The following ZNF536 variants were observed in gnomAD, a reference collection of about 807,000 sequenced individuals.
The protein encoded by ZNF536 is zinc finger protein 536.
Under a neutral mutation model 84.5 loss-of-function variants are expected in ZNF536, and 13 were observed. That is an observed-to-expected ratio of 0.15 (90% CI 0.10 to 0.24). The LOEUF is 0.24. Among genes scored for constraint, ZNF536 ranks in the 10% least tolerant of loss-of-function variants. The pLI, the probability that ZNF536 is intolerant of heterozygous loss-of-function variation, is 1.00. For synonymous variants in ZNF536, 811 were observed against 742.5 expected, an observed-to-expected ratio of 1.09 and a Z score of -1.50; for missense variants, 1,536 against 1,747.5, an observed-to-expected ratio of 0.88 and a Z score of 2.16.
chr19:30,341,289 A>G (rs763422360), intron 2 of ZNF536, among the ~76,000 whole-genome samples: 5 of 152,254 alleles, frequency 3.3e-5, no homozygotes, highest in Non-Finnish European at 7.3e-5. Context: ...GTTTGTTGAG[A>G]TTGCAGTGAT....
intron 1 of ZNF536, among the ~76,000 whole-genome samples, chr19:30,669,906 C>T (rs1053334298): frequency 6.6e-6 from 1 of 152,170 alleles, no homozygotes; most frequent in Non-Finnish European, 1.5e-5. Context: ...GTTCTATGAA[C>T]TAGGGCGGAC....
At chr19:30,512,340 T>A (rs927486691) in intron 2 of ZNF536, among the ~76,000 whole-genome samples, 1 of 152,196 alleles carries the variant, frequency 6.6e-6, no homozygotes, top group Non-Finnish European at 1.5e-5. Flanking sequence ...CCCAAATGTA[T>A]TGCTGAATGC....
At chr19:30,278,663 C>T (rs1206419255) in intron 1 of ZNF536, among the ~76,000 whole-genome samples, 1 of 152,056 alleles carries the variant, frequency 6.6e-6, no homozygotes, top group Non-Finnish European at 1.5e-5. Context: ...TCTGGGCTCT[C>T]CTTACTCTTG....
At chr19:30,424,879 C>G (rs1048100883) in intron 1 of ZNF536, among the ~76,000 whole-genome samples, 4 of 152,108 alleles carry the variant, frequency 2.6e-5, no homozygotes, top group African/African-American at 9.7e-5. Context: ...CTGTCCAGGG[C>G]ACACAGGAGA....
intron 1 of ZNF536, among the ~76,000 whole-genome samples, chr19:30,578,016 T>C (rs936438853): frequency 2.6e-5 from 4 of 152,178 alleles, no homozygotes; most frequent in African/African-American, 7.2e-5. Flanking sequence ...GGTACAGGGA[T>C]GGGAGAGCCT....
At chr19:30,589,825 G>T (rs538674826) in intron 1 of ZNF536, among the ~76,000 whole-genome samples, 1 of 152,272 alleles carries the variant, frequency 6.6e-6, no homozygotes, top group South Asian at 2.1e-4. Context: ...AGCCTGCCCT[G>T]TGTGCAGCCT....
At chr19:30,261,105 T>C (rs1252221673) in intron 1 of ZNF536, among the ~76,000 whole-genome samples, 1 of 151,710 alleles carries the variant, frequency 6.6e-6, no homozygotes. Context: ...GAGACCATCC[T>C]GGCTAAAATG....
At chr19:30,417,212 G>A (rs2050772925) in intron 1 of ZNF536, among the ~76,000 whole-genome samples, 1 of 140,376 alleles carries the variant, frequency 7.1e-6, no homozygotes, top group Non-Finnish European at 1.5e-5. Context: ...GGCCAGGCTG[G>A]TCTTGAACTC....
At chr19:30,588,089 G>T (rs2047157473) in intron 1 of ZNF536, among the ~76,000 whole-genome samples, 2 of 152,238 alleles carry the variant, frequency 1.3e-5, no homozygotes, top group African/African-American at 4.8e-5. Flanking sequence ...GCTTCCCAGT[G>T]AGCTCCCTCA....
chr19:30,378,636 A>C (rs1030823386), intron 1 of ZNF536, among the ~76,000 whole-genome samples: 1 of 152,100 alleles, frequency 6.6e-6, no homozygotes, highest in East Asian at 1.9e-4. Flanking sequence ...CTTAGACCCA[A>C]CTGCATCTCC....
chr19:30,574,208 G>A (rs922298845), intron 1 of ZNF536, among the ~76,000 whole-genome samples: 15 of 152,324 alleles, frequency 9.8e-5, no homozygotes, highest in African/African-American at 3.4e-4. Flanking sequence ...GAGAAGACAT[G>A]TAGAAAGGCT....
At chr19:30,483,514 A>G in intron 2 of ZNF536, among the ~76,000 whole-genome samples, 1 of 142,554 alleles carries the variant, frequency 7.0e-6, no homozygotes, top group Non-Finnish European at 1.5e-5. Context: ...AACAACCAGA[A>G]CACCCAGGGC....
intron 1 of ZNF536, among the ~76,000 whole-genome samples, chr19:30,574,481 G>A (rs775508903): frequency 2.0e-5 from 3 of 152,224 alleles, no homozygotes; most frequent in Non-Finnish European, 4.4e-5. Flanking sequence ...TGATGCTAAC[G>A]GTTGGTCACA....
chr19:30,535,655 G>T (rs927691341), intron 3 of ZNF536, among the ~76,000 whole-genome samples: 5 of 151,924 alleles, frequency 3.3e-5, no homozygotes, highest in Non-Finnish European at 5.9e-5. Flanking sequence ...CTGGCAACAG[G>T]GAGTTCTGTG....
At chr19:30,348,115 A>G (rs959779179) in intron 2 of ZNF536, among the ~76,000 whole-genome samples, 1 of 152,180 alleles carries the variant, frequency 6.6e-6, no homozygotes, top group East Asian at 1.9e-4. Flanking sequence ...CATTCCTTCA[A>G]TCATCTTTCT....
chr19:30,262,822 G>A (rs1444199640), intron 1 of ZNF536, among the ~76,000 whole-genome samples: 1 of 152,198 alleles, frequency 6.6e-6, no homozygotes, highest in Non-Finnish European at 1.5e-5. Context: ...GCAGATGGGG[G>A]CTGGTTTCCT....
chr19:30,689,266 C>T (rs190192870), intron 1 of ZNF536, among the ~76,000 whole-genome samples: 80 of 152,336 alleles, frequency 5.3e-4, no homozygotes, highest in African/African-American at 1.8e-3. Context: ...TGGAGCTTTA[C>T]GCTAACCTAA....
intron 2 of ZNF536, among the ~76,000 whole-genome samples, chr19:30,521,587 T>C (rs917952626): frequency 1.3e-5 from 2 of 152,166 alleles, no homozygotes; most frequent in African/African-American, 4.8e-5. Context: ...GGTCAGTTCA[T>C]TTATTAAAGC....
intron 2 of ZNF536, among the ~76,000 whole-genome samples, chr19:30,336,719 G>A (rs138387209): frequency 3.3e-5 from 5 of 152,264 alleles, no homozygotes; most frequent in East Asian, 3.9e-4. Context: ...AGAACATCTC[G>A]GAGAGGTCAG....
Sources: gnomAD v4.1 joint callset for allele counts (sites outside exome capture counted in the v4.1 genomes callset) on GRCh38, gnomAD v4.1.1 for gene constraint, MANE v1.5 for transcripts, NCBI Gene and HGNC (gene_info 2026-07-23, HGNC 2026-07-21) for gene names.